RPS6KB1: variants seen among roughly 807,000 people sequenced by gnomAD.
The protein encoded by RPS6KB1 is ribosomal protein S6 kinase beta-1.
RPS6KB1 carries 12 observed loss-of-function variants against 70.2 expected under a neutral mutation model. The observed-to-expected ratio is 0.17, with a 90% CI of 0.11 to 0.28. RPS6KB1 has a LOEUF of 0.28. Among genes scored for constraint, RPS6KB1 ranks in the 10% least tolerant of loss-of-function variants. RPS6KB1 has a pLI of 1.00. For synonymous variants in RPS6KB1, 175 were observed against 211.2 expected (o/e 0.83, Z 1.49); for missense variants, 270 against 646.6 (o/e 0.42, Z 6.32).
chr17:59,910,205 A>C (rs956603653), intron 1 of RPS6KB1, among the ~76,000 whole-genome samples: 28 of 151,668 alleles, frequency 1.8e-4, no homozygotes, highest in Non-Finnish European at 3.7e-4. Context: ...AAAAAAAAAA[A>C]AAAACCCGGG....
At chr17:59,936,613 A>G in intron 12 of RPS6KB1, 72 bp downstream of exon 12, 1 of 1,225,810 alleles carries the variant, frequency 8.2e-7, no homozygotes, top group Non-Finnish European at 1.2e-6. Flanking sequence ...TAAAGGGCCA[A>G]GGTGGGAGGA....
intron 7 of RPS6KB1, 30 bp downstream of exon 7, chr17:59,931,752 T>A (rs1293693542): frequency 6.8e-7 from 1 of 1,460,116 alleles, no homozygotes; most frequent in Non-Finnish European, 9.6e-7. Flanking sequence ...AATTCTATAG[T>A]AAATAATCAT....
At chr17:59,943,809 G>GT (rs1275793780) in intron 13 of RPS6KB1, among the ~76,000 whole-genome samples, 2 of 148,696 alleles carry the variant, frequency 1.3e-5, no homozygotes, top group Non-Finnish European at 3.0e-5. Flanking sequence ...GGAGGAGGTT[G>GT]TAATGAGCTG....
intron 1 of RPS6KB1, among the ~76,000 whole-genome samples, chr17:59,903,314 A>G (rs926557927): frequency 3.3e-5 from 5 of 150,426 alleles, no homozygotes; most frequent in African/African-American, 1.2e-4. Context: ...CAAAAAAAAA[A>G]AAGAAAAAAA....
At chr17:59,900,465 A>G (rs2041866653) in intron 1 of RPS6KB1, among the ~76,000 whole-genome samples, 1 of 152,000 alleles carries the variant, frequency 6.6e-6, no homozygotes. Flanking sequence ...TCCTGGGTTC[A>G]AGCGATTCTC....
chr17:59,928,392 T>TC (rs1417959663), intron 5 of RPS6KB1, among the ~76,000 whole-genome samples: 5 of 151,846 alleles, frequency 3.3e-5, no homozygotes, highest in Non-Finnish European at 5.9e-5. Flanking sequence ...TCTTTTCTTT[T>TC]TTTTTTGAGA....
At chr17:59,920,647 G>A (rs998526923) in intron 4 of RPS6KB1, among the ~76,000 whole-genome samples, 3 of 152,168 alleles carry the variant, frequency 2.0e-5, no homozygotes, top group Non-Finnish European at 4.4e-5. Flanking sequence ...GTATAGAATT[G>A]AAGGCAGCAT....
At chr17:59,935,510 T>C (rs2044176110) in intron 10 of RPS6KB1, among the ~76,000 whole-genome samples, 1 of 152,078 alleles carries the variant, frequency 6.6e-6, no homozygotes, top group Non-Finnish European at 1.5e-5. Context: ...GGTCTTGCCC[T>C]GTCACCCAGG....
rs762824413 is a variant in RPS6KB1, at chr17:59,935,226, A to G, written c.904A>G (p.Ile302Val). 1.9e-6 allele frequency: 3 copies of G among 1,612,684 alleles called. No homozygotes were observed. Among genetic ancestry groups the G allele is most frequent in the East Asian group, 2.2e-5 (1 of 44,796 alleles). ...CACTGGGGAGAATAGAAAGAAAACA[A>G]TTGACAAAATCCTCAAATGTAAACT... ...PFTGENRKKTIDKILKCKLNL... is the reference protein window; with the variant it reads ...PFTGENRKKTVDKILKCKLNL... Residue 302 changes from isoleucine to valine, a missense_variant, in exon 10 of 15, where the codon ATT becomes GTT. Coordinates refer to ENST00000225577, the MANE Select transcript of RPS6KB1 (RefSeq NM_003161.4).
intron 5 of RPS6KB1, among the ~76,000 whole-genome samples, chr17:59,929,188 T>C (rs1274138241): frequency 6.6e-6 from 1 of 151,876 alleles, no homozygotes; most frequent in East Asian, 1.9e-4. Context: ...TGGAGTGCAG[T>C]GGCACGATCT....
At chr17:59,935,395 A>G in intron 10 of RPS6KB1, 95 bp downstream of exon 10, 1 of 616,734 alleles carries the variant, frequency 1.6e-6, no homozygotes. Context: ...AGAGTCATAT[A>G]TAAATATTGA....
chr17:59,916,816 C>T (rs1274281794), intron 4 of RPS6KB1, among the ~76,000 whole-genome samples: 1 of 152,002 alleles, frequency 6.6e-6, no homozygotes, highest in Non-Finnish European at 1.5e-5. Context: ...ACTAGTGGCT[C>T]CCTCAGACAA....
intron 10 of RPS6KB1, 151 bp downstream of exon 10, chr17:59,935,451 A>G (rs2144994118): frequency 2.0e-6 from 1 of 511,988 alleles, no homozygotes; most frequent in South Asian, 3.2e-5. Context: ...GATTTGTTTA[A>G]AGACTTTCTT....
intron 5 of RPS6KB1, among the ~76,000 whole-genome samples, chr17:59,927,762 C>T (rs1227013266): frequency 6.6e-6 from 1 of 151,832 alleles, no homozygotes; most frequent in Non-Finnish European, 1.5e-5. Flanking sequence ...CCACCTTGGC[C>T]TCCCAAAGTG....
chr17:59,900,232 C>CACACA (rs1568377896), intron 1 of RPS6KB1, among the ~76,000 whole-genome samples: 1 of 104,822 alleles, frequency 9.5e-6, no homozygotes, highest in African/African-American at 3.4e-5. Context: ...ACACACACAC[C>CACACA]CCTATGTGTT....
chr17:59,933,269 C>T (rs2044047236), intron 7 of RPS6KB1, among the ~76,000 whole-genome samples: 1 of 151,078 alleles, frequency 6.6e-6, no homozygotes, highest in Non-Finnish European at 1.5e-5. Context: ...GTGTCTCTTC[C>T]TTCCTCTCAT....
At position 59,893,203 on chromosome 17, in the gene RPS6KB1, C is replaced by G. The variant is rs762843401; in HGVS notation, c.19C>G (p.Arg7Gly). 6.2e-7 allele frequency: 1 copy of G among 1,605,278 alleles called. No individual in the cohort carries two copies. Among genetic ancestry groups the G allele is most frequent in the East Asian group, 2.2e-5 (1 of 44,582 alleles). The change falls in exon 1 of 15, where the codon CGG (arginine) becomes GGG (glycine). Residue 7 changes from arginine to glycine, a missense_variant. This residue lies in a region of RPS6KB1 where 72 missense variants were observed against 93.4 expected (regional missense o/e 0.77). Coordinates refer to ENST00000225577, the MANE Select transcript of RPS6KB1 (RefSeq NM_003161.4). The surrounding 1 kb of genome is among the most constrained non-coding windows in gnomAD (Gnocchi z 4.1). Reference sequence around the variant, plus strand: ...CGGGCCCATGAGGCGACGAAGGAGGCGGGACGGCTTTTACCCAGCCCCGGA... The same window carrying G: ...CGGGCCCATGAGGCGACGAAGGAGGGGGGACGGCTTTTACCCAGCCCCGGA... MRRRRR[R>G]DGFYPAPDFR...
chr17:59,943,029 A>G (rs544194137), intron 13 of RPS6KB1, among the ~76,000 whole-genome samples: 1 of 152,270 alleles, frequency 6.6e-6, no homozygotes, highest in East Asian at 1.9e-4. Flanking sequence ...ATGGGATGCA[A>G]AAGTTGTGTA....
intron 1 of RPS6KB1, among the ~76,000 whole-genome samples, chr17:59,902,027 A>AG (rs2041984372): frequency 6.6e-6 from 1 of 151,370 alleles, no homozygotes; most frequent in African/African-American, 2.4e-5. Flanking sequence ...AAAAAAAAAA[A>AG]AAAAGCTTTT....
Sources: allele counts gnomAD v4.1 joint callset (sites outside exome capture counted in the v4.1 genomes callset), GRCh38; gene constraint gnomAD v4.1.1; regional missense constraint gnomAD v4.1.1; non-coding constraint Gnocchi (gnomAD v3.1); transcripts MANE v1.5; gene names NCBI Gene and HGNC (gene_info 2026-07-23, HGNC 2026-07-21).